PCDHA13: variants seen among roughly 807,000 people sequenced by gnomAD.
PCDHA13 encodes protocadherin alpha-13.
A neutral mutation model predicts 64.8 loss-of-function variants in PCDHA13; 54 were observed. The observed-to-expected ratio is 0.83, with a 90% CI of 0.67 to 1.04. The LOEUF is 1.04. Among genes scored for constraint, PCDHA13 ranks in the 50% least tolerant of loss-of-function variants. PCDHA13 has a pLI of 0.00. For missense variants in PCDHA13, 1,248 were observed against 1,254.3 expected, an observed-to-expected ratio of 0.99 and a Z score of 0.08; for synonymous variants, 587 against 564.4, an observed-to-expected ratio of 1.04 and a Z score of -0.57.
chr5:140,951,076 A>G (rs2094545866), intron 1 of PCDHA13, among the ~76,000 whole-genome samples: 1 of 151,566 alleles, frequency 6.6e-6, no homozygotes, highest in Non-Finnish European at 1.5e-5. Flanking sequence ...GCTTTCTTAT[A>G]TTTTCCTTTT....
At chr5:140,987,668 G>C (rs1262402590) in intron 3 of PCDHA13, among the ~76,000 whole-genome samples, 1 of 152,082 alleles carries the variant, frequency 6.6e-6, no homozygotes, top group Non-Finnish European at 1.5e-5. Context: ...GAACAATCAG[G>C]GTTTAGTAAA....
At chr5:140,906,059 G>A (rs1583580035) in intron 1 of PCDHA13, among the ~76,000 whole-genome samples, 1 of 152,158 alleles carries the variant, frequency 6.6e-6, no homozygotes, top group South Asian at 2.1e-4. Flanking sequence ...TGCACTGGCA[G>A]CTGATTAGAT....
chr5:140,883,267 T>C lies in PCDHA13; in HGVS notation c.999T>C (p.His333=). Residue 333 remains histidine, a synonymous_variant, in exon 1 of 4, where the codon CAT becomes CAC. Transcript: ENST00000289272. ...AAGGAAATATTCCAATGGCGGGTCA[T>C]TGTACCCTTTTGGTGGAAGTACTAG... The part of the protein sequence containing the change: ...VDKGNIPMAG[H]CTLLVEVLDV... The C allele has an allele frequency of 6.2e-7, 1 of 1,614,048 alleles. No individual in the cohort carries two copies.
chr5:140,970,473 CA>C (rs1177454514), intron 1 of PCDHA13, among the ~76,000 whole-genome samples: 4 of 151,956 alleles, frequency 2.6e-5, no homozygotes, highest in African/African-American at 9.7e-5. Flanking sequence ...GGTATAAGGC[CA>C]GCTTGTTCAT....
intron 1 of PCDHA13, among the ~76,000 whole-genome samples, chr5:140,962,354 A>G (rs80298031): frequency 0.023 from 3,560 of 152,266 alleles, 46 homozygotes; most frequent in Middle Eastern, 0.034. Context: ...ACTCCCCCCA[A>G]TACTGGCTAG....
rs367885958 is a variant in PCDHA13, at chr5:140,884,427, C to G, written c.2159C>G (p.Ala720Gly). The G allele has an allele frequency of 2.5e-5, 40 of 1,613,840 alleles. No individual in the cohort carries two copies. The African/African-American group carries it at 5.1e-4, about 20-fold the overall frequency. ...LLVLTLLLYT[A>G]LRCSAPPTEG... ...GTGCTCACGTTGCTGCTGTATACTG[C>G]GCTGCGGTGCTCGGCACCGCCCACC... is the stretch of plus-strand genomic sequence containing the variant. Residue 720 changes from alanine to glycine, a missense_variant, in exon 1 of 4, where the codon GCG (alanine) becomes GGG (glycine). Physicochemically the swap from Ala to Gly is moderately conservative, Grantham distance 60 (BLOSUM62 0). Coordinates refer to ENST00000289272, the MANE Select transcript of PCDHA13 (RefSeq NM_018904.3).
chr5:141,000,185 G>A (rs1434179793), intron 3 of PCDHA13, among the ~76,000 whole-genome samples: 1 of 151,896 alleles, frequency 6.6e-6, no homozygotes, highest in African/African-American at 2.4e-5. Flanking sequence ...AGGAGTCAAT[G>A]TGAGAATAGT....
Position 140,927,828 on chromosome 5 carries a change from G to A in PCDHA13, c.2394+43166G>A, listed in dbSNP as rs782244639. The A allele has an allele frequency of 7.4e-6, 12 of 1,614,074 alleles. No individual in the cohort carries two copies. The South Asian group carries it at 9.9e-5, about 13-fold the overall frequency. On this transcript the variant is annotated intron_variant, in intron 1 of 3. Coordinates refer to ENST00000289272, the MANE Select transcript of PCDHA13 (RefSeq NM_018904.3). ...CGCTCTTGGAGGCATACATTGAGGC[G>A]AGGGACGAAGGTGTCTTTGGTTTAG...
At chr5:140,922,891 G>GA (rs1554201035) in intron 1 of PCDHA13, among the ~76,000 whole-genome samples, 2 of 152,160 alleles carry the variant, frequency 1.3e-5, no homozygotes, top group Non-Finnish European at 2.9e-5. Context: ...CATCATTCAA[G>GA]AAAAAATTTT....
chr5:140,891,688 T>G (rs2063203967), intron 1 of PCDHA13, among the ~76,000 whole-genome samples: 1 of 152,224 alleles, frequency 6.6e-6, no homozygotes, highest in Non-Finnish European at 1.5e-5. Flanking sequence ...TCTCTCTTCT[T>G]GCTGTTGTCT....
chr5:140,969,274 TG>T, intron 1 of PCDHA13: 1 of 1,614,158 alleles, frequency 6.2e-7, no homozygotes, highest in Non-Finnish European at 8.5e-7. Flanking sequence ...CAGGCCAAAG[TG>T]GTCAGAATGC....
intron 1 of PCDHA13, chr5:140,968,340 A>G: frequency 6.2e-7 from 1 of 1,614,136 alleles, no homozygotes; most frequent in African/African-American, 1.3e-5. Context: ...GTCTCCATTA[A>G]CAGTGCCAGT....
intron 1 of PCDHA13, among the ~76,000 whole-genome samples, chr5:140,916,791 G>A (rs1159820496): frequency 6.6e-6 from 1 of 152,128 alleles, no homozygotes; most frequent in Admixed American, 6.5e-5. Flanking sequence ...AGCTGCCCCA[G>A]CTGATGACTT....
intron 1 of PCDHA13, chr5:140,967,365 T>G: frequency 6.2e-7 from 1 of 1,607,630 alleles, no homozygotes; most frequent in Non-Finnish European, 8.5e-7. Flanking sequence ...CTTAAGCCCC[T>G]GCAGGAGAAC....
In PCDHA13 at chr5:140,883,352, G is replaced by T. The variant is rs1554177776; in HGVS notation, c.1084G>T (p.Asp362Tyr). Residue 362 changes from aspartate (D) to tyrosine (Y), a missense_variant, in exon 1 of 4, where the codon GAC becomes TAC. Coordinates refer to ENST00000289272, the MANE Select transcript of PCDHA13 (RefSeq NM_018904.3). ...ITSLSLPIRE[D>Y]TQPSAIIALI... is the part of the protein sequence containing the mutation. ...TTCTTTGTCACTCCCCATCAGAGAA[G>T]ACACTCAGCCTAGCGCCATTATTGC... 6.2e-7 allele frequency: 1 copy of T among 1,614,164 alleles called. No individual in the cohort carries two copies. The highest frequency in any genetic ancestry group is 1.1e-5 in the South Asian group (1 of 91,080).
intron 1 of PCDHA13, among the ~76,000 whole-genome samples, chr5:140,970,194 A>G (rs1202666673): frequency 6.6e-6 from 1 of 152,204 alleles, no homozygotes; most frequent in African/African-American, 2.4e-5. Context: ...TTGTAAGAGG[A>G]TTTCCCTGAA....
At chr5:140,958,696 G>A (rs1276859394) in intron 1 of PCDHA13, among the ~76,000 whole-genome samples, 1 of 152,156 alleles carries the variant, frequency 6.6e-6, no homozygotes, top group African/African-American at 2.4e-5. Flanking sequence ...ATATCCTAGA[G>A]TGACAACTCT....
intron 3 of PCDHA13, among the ~76,000 whole-genome samples, chr5:140,999,672 C>T (rs2153958475): frequency 6.6e-6 from 1 of 152,214 alleles, no homozygotes; most frequent in South Asian, 2.1e-4. Context: ...TTGCGGGGGG[C>T]TCACAGAAAG....
At chr5:140,890,248 A>G (rs2062564503) in intron 1 of PCDHA13, among the ~76,000 whole-genome samples, 1 of 152,096 alleles carries the variant, frequency 6.6e-6, no homozygotes, top group Non-Finnish European at 1.5e-5. Context: ...CCAGTACACT[A>G]CTGCACCTGA....
Sources: gnomAD v4.1 joint callset for allele counts (sites outside exome capture counted in the v4.1 genomes callset) on GRCh38, gnomAD v4.1.1 for gene constraint, MANE v1.5 for transcripts, NCBI Gene and HGNC (gene_info 2026-07-23, HGNC 2026-07-21) for gene names.